The following RHBDF2 variants were observed in gnomAD, a reference collection of about 807,000 sequenced individuals.
RHBDF2 encodes the protein rhomboid 5 homolog 2.
A neutral mutation model predicts 95.2 loss-of-function variants in RHBDF2; 38 were observed. That is an observed-to-expected ratio of 0.40 (90% CI 0.31 to 0.52). The LOEUF (loss-of-function observed/expected upper bound fraction) is 0.52, where lower values mean the gene tolerates loss of function less well. RHBDF2 is among the 20% of genes least tolerant of loss of function. The pLI, the probability that RHBDF2 is intolerant of heterozygous loss-of-function variation, is 0.56. For missense variants in RHBDF2, 863 were observed against 1,137.7 expected (o/e 0.76, Z 3.47); for synonymous variants, 442 against 462.0 (o/e 0.96, Z 0.55).
rs1362204702 is a variant in RHBDF2 at position 76,479,846 on chromosome 17, G to T, written c.159C>A (p.Asn53Lys). 9.3e-6 allele frequency: 15 copies of T among 1,612,720 alleles called. No individual in the cohort carries two copies. The East Asian group carries it at 3.1e-4, about 34-fold the overall frequency. Residue 53 changes from asparagine (N) to lysine (K), a missense_variant, in exon 4 of 19, where the codon AAC (asparagine) becomes AAA (lysine). Around this residue, in one of 2 missense-constraint regions of RHBDF2, gnomAD observed 611 missense variants for 725.5 expected, o/e 0.84. Coordinates refer to ENST00000675367, the MANE Select transcript of RHBDF2 (RefSeq NM_001005498.4). Reference protein sequence around the residue: ...EQDSMLPERKNPAYLKSVSLQ... With the variant: ...EQDSMLPERKKPAYLKSVSLQ... ...GGCTGACGCTCTTCAAGTAGGCTGG[G>T]TTCTTCCTCTTGGGGAGGAAGGAGG...
intron 1 of RHBDF2, among the ~76,000 whole-genome samples, chr17:76,496,410 G>A (rs1237210110): frequency 1.3e-5 from 2 of 152,154 alleles, no homozygotes; most frequent in Non-Finnish European, 2.9e-5. Context: ...CCAGGGTCCC[G>A]CGCTCTTAAC....
chr17:76,486,547 T>C (rs1353235450), intron 2 of RHBDF2, among the ~76,000 whole-genome samples: 1 of 151,884 alleles, frequency 6.6e-6, no homozygotes. Flanking sequence ...ATCCCATCTG[T>C]ATAAAAAAAT....
chr17:76,477,891 C>A, intron 6 of RHBDF2, 106 bp from the exon 7 acceptor site: 3 of 1,501,630 alleles, frequency 2.0e-6, no homozygotes, highest in Non-Finnish European at 2.7e-6. Context: ...CAGGCAGCGC[C>A]TTGGGAGGAG....
intron 1 of RHBDF2, among the ~76,000 whole-genome samples, chr17:76,496,480 G>A (rs1175631080): frequency 2.6e-5 from 4 of 152,210 alleles, no homozygotes; most frequent in Non-Finnish European, 5.9e-5. Context: ...GAAAAAGAAC[G>A]GGTGAGGACT....
intron 2 of RHBDF2, among the ~76,000 whole-genome samples, chr17:76,486,113 CACATAT>C (rs2074122380): frequency 7.3e-6 from 1 of 136,460 alleles, no homozygotes; most frequent in Non-Finnish European, 1.6e-5. Flanking sequence ...CACACACACA[CACATAT>C]AGTTTTTGAG....
chr17:76,472,697 A>G lies in RHBDF2; in HGVS notation c.2053T>C (p.Tyr685His), dbSNP rs2073624733. The G allele has an allele frequency of 1.2e-6, 2 of 1,614,046 alleles. No individual in the cohort carries two copies. Among genetic ancestry groups the G allele is most frequent in the Non-Finnish European group, 1.7e-6 (2 of 1,179,998 alleles). Residue 685 changes from tyrosine (Y) to histidine (H), a missense_variant, in exon 18 of 19, where the codon TAC becomes CAC. By Grantham distance (83) the Tyr-to-His change is moderately conservative. Coordinates refer to ENST00000675367, the MANE Select transcript of RHBDF2 (RefSeq NM_001005498.4). ...CTCCACATCCTTACCTCTGCCCGGT[A>G]TGGGAGAAAGATGGCACTGGCGAGG... Reference protein sequence around the residue: ...GNLASAIFLPYRAEVGPAGSQ... With the variant: ...GNLASAIFLPHRAEVGPAGSQ...
chr17:76,499,024 G>C (rs1207078144), intron 1 of RHBDF2, among the ~76,000 whole-genome samples: 10 of 152,090 alleles, frequency 6.6e-5, no homozygotes, highest in South Asian at 2.1e-4. Flanking sequence ...CTTTGTACAA[G>C]CCTGGGTGCT....
At chr17:76,484,976 T>G (rs576513975) in intron 2 of RHBDF2, among the ~76,000 whole-genome samples, 1 of 152,142 alleles carries the variant, frequency 6.6e-6, no homozygotes, top group South Asian at 2.1e-4. Context: ...GAGGAGCAAA[T>G]GAGTGGATGA....
chr17:76,477,938 A>C (rs937340741), intron 6 of RHBDF2, among the ~76,000 whole-genome samples, 153 bp from the exon 7 acceptor site: 1 of 152,228 alleles, frequency 6.6e-6, no homozygotes, highest in Non-Finnish European at 1.5e-5. Flanking sequence ...TGCAAGCTGA[A>C]CGGGCAAGAG....
chr17:76,471,270 G>T lies in RHBDF2; in HGVS notation c.*363C>A. 1 of 240,670 alleles carries T rather than the reference G, an allele frequency of 4.2e-6. No homozygotes were observed. The highest frequency in any genetic ancestry group is 2.2e-5 in the African/African-American group (1 of 44,728). 14.9% of individuals were successfully genotyped at this position (240,670 alleles called of 1,614,324 possible). The stretch of plus-strand genomic sequence containing the variant: ...AAGGGCACGCTCCAGTAGTAGTGGG[G>T]GAGAAGGCACCAGCAGAGGCAGCGC... On this transcript the variant is annotated 3_prime_UTR_variant, in exon 19 of 19. Coordinates refer to ENST00000675367, the MANE Select transcript of RHBDF2 (RefSeq NM_001005498.4).
chr17:76,491,333 G>A (rs751567189), intron 1 of RHBDF2, among the ~76,000 whole-genome samples: 6 of 152,188 alleles, frequency 3.9e-5, no homozygotes, highest in Admixed American at 6.5e-5. Flanking sequence ...CCCAGGATCC[G>A]CTGCATGGCT....
At chr17:76,479,881 C>T (rs565386980) in intron 3 of RHBDF2, 27 bp from the exon 4 acceptor site, 13 of 1,610,484 alleles carry the variant, frequency 8.1e-6, no homozygotes, top group Middle Eastern at 3.3e-4. Context: ...GGAGGGCAGG[C>T]GGTGGTGTGT....
At chr17:76,489,459 G>T (rs982984984) in intron 1 of RHBDF2, among the ~76,000 whole-genome samples, 1 of 151,828 alleles carries the variant, frequency 6.6e-6, no homozygotes, top group Non-Finnish European at 1.5e-5. Context: ...GAGGAGCTGG[G>T]ACTACAGACG....
Position 76,480,007 on chromosome 17 carries a change from ATGTGTGTGTGTGTG to A in RHBDF2, c.151-167_151-154del, listed in dbSNP as rs138608987. Reference sequence around the variant, plus strand: ...TTTCATTTGGAAATATATATATATAATGTGTGTGTGTGTGTGTGTGTGTGTGTGTGTGTGTTTGT... The same window carrying A: ...TTTCATTTGGAAATATATATATATAATGTGTGTGTGTGTGTGTGTGTTTGT... On this transcript the variant is annotated intron_variant, in intron 3 of 18. Transcript: ENST00000675367. 127 of 306,970 alleles carry A rather than the reference ATGTGTGTGTGTGTG, an allele frequency of 4.1e-4. 1 individual carries two copies. The highest frequency in any genetic ancestry group is 2.0e-3 in the East Asian group (26 of 12,742). The allele number at this position is 306,970 out of a possible 1,614,324, so 19.0% of individuals were successfully genotyped here.
At chr17:76,486,578 G>A (rs143654493) in intron 2 of RHBDF2, among the ~76,000 whole-genome samples, 42 of 152,196 alleles carry the variant, frequency 2.8e-4, no homozygotes, top group African/African-American at 8.7e-4. Flanking sequence ...GCCAGATATG[G>A]TGGTGCGTGC....
At chr17:76,483,183 G>A (rs2074021771) in intron 2 of RHBDF2, among the ~76,000 whole-genome samples, 3 of 151,414 alleles carry the variant, frequency 2.0e-5, no homozygotes, top group South Asian at 4.2e-4. Context: ...CCAAGTAGCC[G>A]GGGTTATGGG....
chr17:76,486,558 T>A (rs938094228), intron 2 of RHBDF2, among the ~76,000 whole-genome samples: 1 of 151,674 alleles, frequency 6.6e-6, no homozygotes, highest in African/African-American at 2.4e-5. Flanking sequence ...ATAAAAAAAT[T>A]AAAAAATTAG....
intron 2 of RHBDF2, among the ~76,000 whole-genome samples, chr17:76,484,447 G>A (rs1341117884): frequency 6.6e-6 from 1 of 151,756 alleles, no homozygotes; most frequent in Non-Finnish European, 1.5e-5. Context: ...ACGGGTCGGC[G>A]AGACAGCAGC....
intron 16 of RHBDF2, 68 bp from the exon 17 acceptor site, chr17:76,473,173 G>T (rs2073644116): frequency 6.3e-7 from 1 of 1,582,570 alleles, no homozygotes; most frequent in Non-Finnish European, 8.7e-7. Context: ...ACATGGGAGG[G>T]AGTGCGTGAG....
Sources: allele counts gnomAD v4.1 joint callset (sites outside exome capture counted in the v4.1 genomes callset), GRCh38; gene constraint gnomAD v4.1.1; regional missense constraint gnomAD v4.1.1; transcripts MANE v1.5; gene names NCBI Gene and HGNC (gene_info 2026-07-23, HGNC 2026-07-21).